Variants in SNTG1 observed in about 807,000 individuals in gnomAD.
SNTG1 encodes syntrophin gamma 1, also known as gamma-1-syntrophin.
Under a neutral mutation model 74.7 loss-of-function variants are expected in SNTG1, and 39 were observed. That is an observed-to-expected ratio of 0.52 (90% CI 0.40 to 0.68). SNTG1 has a LOEUF of 0.68. SNTG1 is among the 30% of genes least tolerant of loss of function. The pLI is 0.00. For synonymous variants in SNTG1, 254 were observed against 217.1 expected (o/e 1.17, Z -1.49); for missense variants, 685 against 609.5 (o/e 1.12, Z -1.30).
At chr8:50,147,456 T>G (rs922529817) in intron 1 of SNTG1, among the ~76,000 whole-genome samples, 7 of 152,144 alleles carry the variant, frequency 4.6e-5, no homozygotes, top group African/African-American at 1.4e-4. Context: ...GGAAAACTTG[T>G]TTTTTACAGA....
intron 18 of SNTG1, among the ~76,000 whole-genome samples, chr8:50,786,563 T>C (rs917406533): frequency 1.3e-5 from 2 of 151,898 alleles, no homozygotes; most frequent in African/African-American, 4.8e-5. Flanking sequence ...GCAAATAAGT[T>C]GGAGAGAACC....
Position 50,110,320 on chromosome 8 carries a change from C to A in SNTG1, c.-102-62241C>A, listed in dbSNP as rs377706125. Among the ~76,000 whole-genome samples the A allele has an allele frequency of 2.0e-5, 3 of 152,238 alleles. No homozygotes were observed. In the East Asian group the frequency reaches 5.8e-4, roughly 29 times the overall value. ...CTCTGGGGTGTGAGATTTTCCAGCC[C>A]TCCCTTTTCTCAGGGGCTTCCCCTT... On this transcript the variant is annotated intron_variant, in intron 1 of 18. Transcript: ENST00000642720.
chr8:50,147,379 G>T (rs1198961942), intron 1 of SNTG1, among the ~76,000 whole-genome samples: 1 of 152,158 alleles, frequency 6.6e-6, no homozygotes, highest in Admixed American at 6.6e-5. Flanking sequence ...GTTTTGACTG[G>T]TAACTGTAAA....
chr8:50,024,774 C>G (rs1363840603), intron 1 of SNTG1, among the ~76,000 whole-genome samples: 2 of 152,114 alleles, frequency 1.3e-5, no homozygotes, highest in African/African-American at 4.8e-5. Context: ...ACTCACCCTC[C>G]TCCTACTTGC....
At chr8:50,041,176 G>A (rs751299278) in intron 1 of SNTG1, among the ~76,000 whole-genome samples, 28 of 152,076 alleles carry the variant, frequency 1.8e-4, no homozygotes, top group Non-Finnish European at 2.8e-4. Flanking sequence ...GATTACAGGC[G>A]TGAGCCACCA....
chr8:50,740,280 A>G (rs1179233161), intron 17 of SNTG1, among the ~76,000 whole-genome samples: 2 of 152,028 alleles, frequency 1.3e-5, no homozygotes, highest in African/African-American at 2.4e-5. Flanking sequence ...TACAAGAAAA[A>G]AAAAACAGCC....
chr8:50,219,484 T>G (rs540057592), intron 2 of SNTG1, among the ~76,000 whole-genome samples: 2 of 152,110 alleles, frequency 1.3e-5, no homozygotes, highest in East Asian at 3.8e-4. Context: ...TAACTTATAA[T>G]GAAAAGAGGT....
At chr8:50,416,910 A>G (rs77489684) in intron 4 of SNTG1, among the ~76,000 whole-genome samples, 4,483 of 152,222 alleles carry the variant, frequency 0.029, 96 homozygotes, top group Middle Eastern at 0.075. Flanking sequence ...TTAACACCTG[A>G]GTGACTGTGA....
At chr8:49,996,985 A>G (rs1476350013) in intron 1 of SNTG1, among the ~76,000 whole-genome samples, 1 of 152,176 alleles carries the variant, frequency 6.6e-6, no homozygotes, top group African/African-American at 2.4e-5. Context: ...GACTTATTTT[A>G]TCCAATGTCT....
chr8:50,186,047 T>C (rs1320261169), intron 2 of SNTG1, among the ~76,000 whole-genome samples: 1 of 152,154 alleles, frequency 6.6e-6, no homozygotes, highest in Non-Finnish European at 1.5e-5. Flanking sequence ...TCTCCCTGTG[T>C]GCATGTGTTC....
chr8:50,322,108 TTTC>T (rs138654285), intron 2 of SNTG1, among the ~76,000 whole-genome samples: 71,306 of 151,384 alleles, frequency 0.47, 19,136 homozygotes, highest in East Asian at 0.83. Context: ...GCCTTTAGCA[TTTC>T]TTCTTTTTTT....
intron 17 of SNTG1, among the ~76,000 whole-genome samples, chr8:50,720,431 A>T (rs1157148986): frequency 6.6e-6 from 1 of 152,184 alleles, no homozygotes; most frequent in African/African-American, 2.4e-5. Flanking sequence ...TGCATCAATT[A>T]TGCTACATGA....
At chr8:50,768,263 T>C (rs1299551252) in intron 18 of SNTG1, among the ~76,000 whole-genome samples, 1 of 152,056 alleles carries the variant, frequency 6.6e-6, no homozygotes, top group Non-Finnish European at 1.5e-5. Flanking sequence ...CTGGCTAGTC[T>C]CTATAAATCT....
chr8:50,418,311 TC>T (rs2093038895), intron 4 of SNTG1, among the ~76,000 whole-genome samples: 1 of 152,046 alleles, frequency 6.6e-6, no homozygotes, highest in African/African-American at 2.4e-5. Flanking sequence ...CCACTGACAC[TC>T]CTTTCTCCTA....
At chr8:50,397,134 A>C (rs1046248185) in intron 3 of SNTG1, among the ~76,000 whole-genome samples, 9 of 152,236 alleles carry the variant, frequency 5.9e-5, no homozygotes, top group Non-Finnish European at 1.2e-4. Flanking sequence ...TTTTTAAATG[A>C]ATCATCCCTT....
intron 17 of SNTG1, among the ~76,000 whole-genome samples, chr8:50,713,831 G>A (rs911678163): frequency 6.6e-5 from 10 of 152,056 alleles, no homozygotes; most frequent in African/African-American, 9.7e-5. Flanking sequence ...AGGCCAGGGC[G>A]GGCGGAACAT....
intron 1 of SNTG1, among the ~76,000 whole-genome samples, chr8:49,930,944 C>T (rs1015136565): frequency 6.6e-6 from 1 of 152,102 alleles, no homozygotes; most frequent in Non-Finnish European, 1.5e-5. Flanking sequence ...AAAATAGACA[C>T]CTTTTAATGT....
intron 2 of SNTG1, among the ~76,000 whole-genome samples, chr8:50,376,729 TTATA>T (rs375978893): frequency 0.34 from 33,645 of 100,296 alleles, 5,851 homozygotes; most frequent in East Asian, 0.46. Context: ...TATTAATAAA[TTATA>T]TATATATATA....
At chr8:49,981,630 A>T (rs767796518) in intron 1 of SNTG1, among the ~76,000 whole-genome samples, 2 of 152,214 alleles carry the variant, frequency 1.3e-5, no homozygotes, top group Non-Finnish European at 2.9e-5. Flanking sequence ...TATGGCTATC[A>T]TTACATCTTG....
Sources: allele counts gnomAD v4.1 joint callset (sites outside exome capture counted in the v4.1 genomes callset), GRCh38; gene constraint gnomAD v4.1.1; transcripts MANE v1.5; gene names NCBI Gene and HGNC (gene_info 2026-07-23, HGNC 2026-07-21).